The following GRK4 variants were observed in gnomAD, a reference collection of about 807,000 sequenced individuals.
GRK4 encodes the protein G protein-coupled receptor kinase 2-like.
In GRK4, 73 loss-of-function variants were observed where a neutral mutation model predicts 77.9. The ratio of observed to expected loss-of-function variants is 0.94; its 90% confidence interval spans 0.78 to 1.14. The LOEUF (loss-of-function observed/expected upper bound fraction) is 1.14. GRK4 is among the 50% of genes most tolerant of loss of function. The probability of loss-of-function intolerance (pLI) is 0.00; values close to 1 mark genes in which losing one functional copy is unlikely to be tolerated. For synonymous variants in GRK4, 257 were observed against 254.4 expected, an observed-to-expected ratio of 1.01 and a Z score of -0.10; for missense variants, 729 against 700.2, an observed-to-expected ratio of 1.04 and a Z score of -0.46.
At chr4:2,984,871 T>G (rs1723819243) in intron 2 of GRK4, among the ~76,000 whole-genome samples, 1 of 152,026 alleles carries the variant, frequency 6.6e-6, no homozygotes, top group African/African-American at 2.4e-5. Flanking sequence ...GGTCTTAAAC[T>G]CCTGAGCTCA....
At chr4:2,985,644 G>T (rs938487078) in intron 2 of GRK4, 1 of 195,310 alleles carries the variant, frequency 5.1e-6, no homozygotes, top group Non-Finnish European at 1.1e-5. Context: ...CAGTGTAACA[G>T]AATACTCTGC....
intron 1 of GRK4, among the ~76,000 whole-genome samples, chr4:2,967,807 G>A (rs1718216237): frequency 6.6e-6 from 1 of 150,596 alleles, no homozygotes; most frequent in African/African-American, 2.4e-5. Context: ...TTTTTGAGGC[G>A]TCGTTTTGCT....
chr4:3,005,576 G>A (rs1731074350), intron 5 of GRK4, among the ~76,000 whole-genome samples: 1 of 152,096 alleles, frequency 6.6e-6, no homozygotes, highest in South Asian at 2.1e-4. Context: ...GCCGAGGCGG[G>A]CAGATCGCTT....
At chr4:2,995,976 G>T (rs1209592683) in intron 4 of GRK4, among the ~76,000 whole-genome samples, 2 of 152,180 alleles carry the variant, frequency 1.3e-5, no homozygotes, top group African/African-American at 4.8e-5. Context: ...CTAGCAAGTG[G>T]CTTCAAGAAG....
At chr4:3,013,233 G>A (rs552403026) in intron 7 of GRK4, among the ~76,000 whole-genome samples, 27 of 151,568 alleles carry the variant, frequency 1.8e-4, no homozygotes, top group Admixed American at 8.5e-4. Flanking sequence ...TTTATTTTTC[G>A]TAGAGACGGG....
chr4:3,025,297 A>T (rs1277366138), intron 10 of GRK4, among the ~76,000 whole-genome samples: 1 of 150,894 alleles, frequency 6.6e-6, no homozygotes, highest in Non-Finnish European at 1.5e-5. Context: ...AAAGTCACTC[A>T]GTATCATTCC....
chr4:3,030,647 G>A lies in GRK4; in HGVS notation c.1269+1238G>A, dbSNP rs1289173785. Reference sequence around the variant, plus strand: ...CTGGAGGGGCGGCAGGCTCTAGGGGGTGAGAGGGGGTCGGCCTGCTGGGCA... The same window carrying A: ...CTGGAGGGGCGGCAGGCTCTAGGGGATGAGAGGGGGTCGGCCTGCTGGGCA... On this transcript the variant is annotated intron_variant, in intron 12 of 15. Transcript: ENST00000398052. Among the ~76,000 whole-genome samples, 4 of 151,986 alleles carry A rather than the reference G, an allele frequency of 2.6e-5. 1 individual carries two copies. The highest frequency in any genetic ancestry group is 9.7e-5 in the African/African-American group (4 of 41,348).
chr4:3,035,549 G>C, intron 13 of GRK4, 26 bp downstream of exon 13: 1 of 1,599,942 alleles, frequency 6.3e-7, no homozygotes, highest in Non-Finnish European at 8.5e-7. Context: ...GGACGAGCAG[G>C]GCCCTAGGAA....
At chr4:2,984,944 C>G (rs2960310) in intron 2 of GRK4, among the ~76,000 whole-genome samples, 58,172 of 151,648 alleles carry the variant, frequency 0.38, 11,923 homozygotes, top group African/African-American at 0.51. Context: ...ACTATGCCCG[C>G]TCCCCATTAG....
intron 1 of GRK4, chr4:2,965,738 T>C (rs2109352556): frequency 2.4e-6 from 1 of 415,750 alleles, no homozygotes; most frequent in East Asian, 5.1e-5. Flanking sequence ...TCACACTATT[T>C]TGAATAGAAG....
At chr4:2,988,964 C>T in intron 3 of GRK4, 125 bp downstream of exon 3, 1 of 633,298 alleles carries the variant, frequency 1.6e-6, no homozygotes, top group South Asian at 1.6e-5. Flanking sequence ...GCGGGCGGAT[C>T]ATGAGGTCAG....
intron 1 of GRK4, among the ~76,000 whole-genome samples, chr4:2,972,741 A>T (rs768494375): frequency 1.3e-5 from 2 of 151,874 alleles, no homozygotes; most frequent in African/African-American, 4.8e-5. Context: ...CTCTTTAAAA[A>T]AATTTTTTTT....
intron 1 of GRK4, among the ~76,000 whole-genome samples, chr4:2,973,436 C>G (rs559632522): frequency 2.0e-5 from 3 of 152,282 alleles, no homozygotes; most frequent in African/African-American, 7.2e-5. Context: ...ACTCAACTTG[C>G]AGCTCACTGT....
intron 9 of GRK4, 149 bp from the exon 10 acceptor site, chr4:3,022,265 C>T: frequency 3.0e-6 from 2 of 673,938 alleles, no homozygotes; most frequent in South Asian, 1.9e-5. Context: ...TTGTAACATT[C>T]TTGTCCTGCC....
At position 3,007,754 on chromosome 4, in the gene GRK4, A is replaced by T; in HGVS notation, c.462A>T (p.Leu154=). ...TTTCTAGAGTTGCCCATAACTACCT[A>T]AGAGGGGAACCATTTGAAGAATACC... ...EECTRVAHNY[L]RGEPFEEYQE... The change falls in exon 6 of 16, where the codon CTA becomes CTT. Residue 154 remains leucine (L), a synonymous_variant. Transcript: ENST00000398052. The T allele has an allele frequency of 6.2e-7, 1 of 1,605,998 alleles. No homozygotes were observed. The highest frequency in any genetic ancestry group is 8.5e-7 in the Non-Finnish European group (1 of 1,176,106).
rs2109639452 is a variant in GRK4 at position 2,989,387 on chromosome 4, C to A, written c.261+548C>A. Among the ~76,000 whole-genome samples the A allele has an allele frequency of 2.0e-5, 3 of 152,206 alleles. 1 individual carries two copies. The East Asian group carries it at 5.8e-4, about 29-fold the overall frequency. On this transcript the variant is annotated intron_variant, in intron 3 of 15. Coordinates refer to ENST00000398052, the MANE Select transcript of GRK4 (RefSeq NM_182982.3). ...TGAGGCTTGAATTGTATGAAGATGA[C>A]AAACTAATTAAGATGATAATGCTTT...
intron 3 of GRK4, 137 bp from the exon 4 acceptor site, chr4:2,992,078 A>G (rs1726371322): frequency 1.8e-5 from 9 of 500,256 alleles, no homozygotes; most frequent in East Asian, 6.3e-5. Context: ...GGATCTCGCT[A>G]TGTTGCTCAG....
intron 10 of GRK4, among the ~76,000 whole-genome samples, chr4:3,026,551 C>A (rs1241448330): frequency 6.6e-6 from 1 of 152,082 alleles, no homozygotes; most frequent in Non-Finnish European, 1.5e-5. Context: ...GCAACATGAC[C>A]AAACCCTGTC....
At chr4:3,022,347 A>T in intron 9 of GRK4, 67 bp from the exon 10 acceptor site, 1 of 1,509,528 alleles carries the variant, frequency 6.6e-7, no homozygotes. Flanking sequence ...GGTTGTTCCT[A>T]CTGGGTACTC....
Sources: allele counts gnomAD v4.1 joint callset (sites outside exome capture counted in the v4.1 genomes callset), GRCh38; gene constraint gnomAD v4.1.1; transcripts MANE v1.5; gene names NCBI Gene and HGNC (gene_info 2026-07-23, HGNC 2026-07-21).